The following UNC5D variants were observed in gnomAD, a reference collection of about 807,000 sequenced individuals.
UNC5D encodes the protein netrin receptor UNC5D.
UNC5D carries 39 observed loss-of-function variants against 105.4 expected under a neutral mutation model. The ratio of observed to expected loss-of-function variants is 0.37; its 90% CI spans 0.29 to 0.48. The LOEUF is 0.48. UNC5D is among the 20% of genes least tolerant of loss of function. The pLI is 0.98. For missense variants in UNC5D, 991 were observed against 1,202.4 expected (o/e 0.82, Z 2.60); for synonymous variants, 452 against 450.4 (o/e 1.00, Z -0.04).
intron 1 of UNC5D, among the ~76,000 whole-genome samples, chr8:35,288,280 A>G (rs1202216576): frequency 6.6e-6 from 1 of 152,190 alleles, no homozygotes; most frequent in Non-Finnish European, 1.5e-5. Context: ...CCCACAGGCC[A>G]TGAGAGAGTG....
Position 35,796,190 on chromosome 8 carries a change from G to T in UNC5D, c.*5627G>T, listed in dbSNP as rs1254715675. 1 of 152,070 alleles carries T rather than the reference G, an allele frequency of 6.6e-6. No homozygotes were observed. Among genetic ancestry groups the T allele is most frequent in the African/African-American group, 2.4e-5 (1 of 41,394 alleles). The allele number at this position is 152,070 out of a possible 1,614,324, so 9.4% of individuals were successfully genotyped here. A position where few individuals can be genotyped will look rare whatever the true frequency, so the allele number is the denominator to read the frequency against. On this transcript the variant is annotated 3_prime_UTR_variant, in exon 17 of 17. Coordinates refer to ENST00000404895, the MANE Select transcript of UNC5D (RefSeq NM_080872.4). ...GGACTGAGCAAGCCAGAGGAGAGAG[G>T]TTGAATGAAGCATAGCCTTGGCTTC...
At chr8:35,276,351 G>A (rs1056143785) in intron 1 of UNC5D, among the ~76,000 whole-genome samples, 1 of 152,084 alleles carries the variant, frequency 6.6e-6, no homozygotes, top group Non-Finnish European at 1.5e-5. Context: ...TTAATTGGTT[G>A]AATTAGCACA....
intron 1 of UNC5D, among the ~76,000 whole-genome samples, chr8:35,316,395 T>C (rs1809308185): frequency 6.6e-6 from 1 of 152,174 alleles, no homozygotes; most frequent in Non-Finnish European, 1.5e-5. Context: ...ACTGAATATA[T>C]TTGCTAATTG....
chr8:35,399,857 A>G (rs1048857893), intron 1 of UNC5D, among the ~76,000 whole-genome samples: 8 of 152,148 alleles, frequency 5.3e-5, no homozygotes, highest in Non-Finnish European at 1.2e-4. Context: ...CCCTGTGGCC[A>G]AGTAATAATA....
At chr8:35,674,257 A>G (rs1216380749) in intron 4 of UNC5D, among the ~76,000 whole-genome samples, 8 of 152,212 alleles carry the variant, frequency 5.3e-5, no homozygotes, top group African/African-American at 1.7e-4. Context: ...CTGTATTTCA[A>G]TGTAATTTTG....
At chr8:35,787,826 T>TCCC in intron 16 of UNC5D, among the ~76,000 whole-genome samples, 1 of 152,190 alleles carries the variant, frequency 6.6e-6, no homozygotes, top group East Asian at 1.9e-4. Flanking sequence ...TGCTATGTTT[T>TCCC]CCAGGCTGGT....
At chr8:35,498,810 T>C (rs954833177) in intron 1 of UNC5D, among the ~76,000 whole-genome samples, 1 of 152,186 alleles carries the variant, frequency 6.6e-6, no homozygotes, top group African/African-American at 2.4e-5. Flanking sequence ...ATTTACACCA[T>C]AGTTGGCAAC....
chr8:35,378,373 C>T (rs1028396282), intron 1 of UNC5D, among the ~76,000 whole-genome samples: 42 of 152,158 alleles, frequency 2.8e-4, no homozygotes, highest in African/African-American at 9.7e-4. Context: ...GTCCTGGGCA[C>T]AGCAAAAGGA....
intron 1 of UNC5D, among the ~76,000 whole-genome samples, chr8:35,520,922 G>A (rs1263853535): frequency 6.6e-6 from 1 of 152,046 alleles, no homozygotes; most frequent in Non-Finnish European, 1.5e-5. Context: ...AGTTTTGTTT[G>A]TATAAAATAC....
At chr8:35,241,810 T>C (rs1802823593) in intron 1 of UNC5D, among the ~76,000 whole-genome samples, 1 of 152,176 alleles carries the variant, frequency 6.6e-6, no homozygotes, top group Non-Finnish European at 1.5e-5. Context: ...CACCTTTTGA[T>C]ATTTATCTTT....
chr8:35,638,304 A>C (rs1189654048), intron 4 of UNC5D, among the ~76,000 whole-genome samples: 1 of 152,146 alleles, frequency 6.6e-6, no homozygotes, highest in Non-Finnish European at 1.5e-5. Flanking sequence ...TTGGCAGGTG[A>C]AGACTCTTTT....
At chr8:35,738,822 C>T (rs1829604569) in intron 11 of UNC5D, among the ~76,000 whole-genome samples, 1 of 152,200 alleles carries the variant, frequency 6.6e-6, no homozygotes, top group South Asian at 2.1e-4. Context: ...GCTTTTCTTG[C>T]TAGCAATGGA....
At chr8:35,423,917 G>A (rs763103913) in intron 1 of UNC5D, among the ~76,000 whole-genome samples, 2 of 148,858 alleles carry the variant, frequency 1.3e-5, no homozygotes, top group African/African-American at 2.5e-5. Context: ...CAGTGTTACA[G>A]TCATAGTTCA....
At chr8:35,543,551 T>G (rs1206854743) in intron 1 of UNC5D, among the ~76,000 whole-genome samples, 1 of 152,236 alleles carries the variant, frequency 6.6e-6, no homozygotes, top group East Asian at 1.9e-4. Context: ...CGTCCTTATA[T>G]TTTAATTGGA....
At chr8:35,267,133 TA>T (rs1316758255) in intron 1 of UNC5D, among the ~76,000 whole-genome samples, 2 of 150,046 alleles carry the variant, frequency 1.3e-5, no homozygotes, top group East Asian at 3.9e-4. Flanking sequence ...AACCCAGAGA[TA>T]TATACCCACT....
chr8:35,713,066 T>A (rs558489797), intron 8 of UNC5D, among the ~76,000 whole-genome samples: 2 of 152,180 alleles, frequency 1.3e-5, no homozygotes, highest in Non-Finnish European at 2.9e-5. Context: ...CTATTTTCTA[T>A]TTTTTATGAT....
At chr8:35,281,472 C>T (rs1806157525) in intron 1 of UNC5D, among the ~76,000 whole-genome samples, 1 of 150,640 alleles carries the variant, frequency 6.6e-6, no homozygotes, top group African/African-American at 2.5e-5. Flanking sequence ...TGGAGTCTCG[C>T]TCTGTCGCCC....
chr8:35,661,578 G>A (rs1824106800), intron 4 of UNC5D, among the ~76,000 whole-genome samples: 1 of 152,200 alleles, frequency 6.6e-6, no homozygotes, highest in Non-Finnish European at 1.5e-5. Context: ...TTCCTTAGTC[G>A]ACTTTTCTAC....
intron 1 of UNC5D, among the ~76,000 whole-genome samples, chr8:35,317,338 A>G (rs1342030065): frequency 6.6e-6 from 1 of 152,160 alleles, no homozygotes; most frequent in Admixed American, 6.6e-5. Context: ...TTGGTTCTGT[A>G]AATGTTTGAA....
Sources: allele counts gnomAD v4.1 joint callset (sites outside exome capture counted in the v4.1 genomes callset), GRCh38; gene constraint gnomAD v4.1.1; transcripts MANE v1.5; gene names NCBI Gene and HGNC (gene_info 2026-07-23, HGNC 2026-07-21).